The following GABRB2 variants were observed in gnomAD, a reference collection of about 807,000 sequenced individuals.
GABRB2 encodes the protein gamma-aminobutyric acid type A receptor subunit beta2.
A neutral mutation model predicts 54.7 loss-of-function variants in GABRB2; 16 were observed. The ratio of observed to expected loss-of-function variants is 0.29; its 90% CI spans 0.20 to 0.44. The LOEUF is 0.44. Among genes scored for constraint, GABRB2 ranks in the 20% least tolerant of loss-of-function variants. The pLI, the probability that GABRB2 is intolerant of heterozygous loss-of-function variation, is 1.00. For missense variants in GABRB2, 355 were observed against 644.0 expected (o/e 0.55, Z 4.86); for synonymous variants, 244 against 233.8 (o/e 1.04, Z -0.40).
At chr5:161,307,580 G>A (rs149169773) in intron 9 of GABRB2, among the ~76,000 whole-genome samples, 6 of 152,048 alleles carry the variant, frequency 3.9e-5, no homozygotes, top group Non-Finnish European at 7.4e-5. Context: ...TTGAGCCTTC[G>A]TTTCTTCATC....
At chr5:161,535,712 AC>A (rs1760612572) in intron 3 of GABRB2, among the ~76,000 whole-genome samples, 1 of 152,174 alleles carries the variant, frequency 6.6e-6, no homozygotes, top group African/African-American at 2.4e-5. Flanking sequence ...TTAACACAAT[AC>A]CTGCACAAGT....
intron 9 of GABRB2, among the ~76,000 whole-genome samples, chr5:161,304,344 A>G (rs1757620199): frequency 6.6e-6 from 1 of 152,242 alleles, no homozygotes; most frequent in South Asian, 2.1e-4. Flanking sequence ...AGAATTACCT[A>G]CTGCCTTTAA....
intron 3 of GABRB2, among the ~76,000 whole-genome samples, chr5:161,527,925 T>C (rs1298133370): frequency 6.6e-6 from 1 of 151,664 alleles, no homozygotes; most frequent in Non-Finnish European, 1.5e-5. Flanking sequence ...AATATACATG[T>C]TCTGGGGTCC....
rs1390688927 is a variant in GABRB2 at position 161,485,851 on chromosome 5, G to A, written c.238-26007C>T. 2.6e-5 allele frequency among the ~76,000 whole-genome samples: 4 copies of A among 151,908 alleles called. No individual in the cohort carries two copies. In the South Asian group the frequency reaches 6.2e-4, roughly 24 times the overall value. On this transcript the variant is annotated intron_variant, in intron 3 of 9. Transcript: ENST00000393959. ...TTCCTTTACACCCTGGAACTTTCCA[G>A]GGCAGAGTGATTTGTGGGGTGTTGC...
intron 5 of GABRB2, among the ~76,000 whole-genome samples, chr5:161,357,758 A>G (rs1033545598): frequency 3.9e-5 from 6 of 152,254 alleles, no homozygotes; most frequent in Middle Eastern, 3.4e-3. Flanking sequence ...TAGGATCTTC[A>G]AAATATTACA....
chr5:161,459,968 AG>A, intron 3 of GABRB2, 124 bp from the exon 4 acceptor site: 1 of 600,692 alleles, frequency 1.7e-6, no homozygotes, highest in Non-Finnish European at 2.8e-6. Flanking sequence ...TTTTTGAGAC[AG>A]GGTCTCACTC....
chr5:161,374,657 T>C (rs1755233199), intron 5 of GABRB2, among the ~76,000 whole-genome samples: 1 of 152,216 alleles, frequency 6.6e-6, no homozygotes, highest in Admixed American at 6.5e-5. Flanking sequence ...ACTCAATACC[T>C]AACTTCCTTC....
chr5:161,481,405 T>C (rs1758758379), intron 3 of GABRB2, among the ~76,000 whole-genome samples: 1 of 152,036 alleles, frequency 6.6e-6, no homozygotes, highest in South Asian at 2.1e-4. Context: ...TGAAAAGAAA[T>C]TGCCGTAGAC....
chr5:161,295,648 G>C (rs1011291723), intron 9 of GABRB2, among the ~76,000 whole-genome samples: 6 of 152,266 alleles, frequency 3.9e-5, no homozygotes, highest in African/African-American at 1.4e-4. Context: ...AAAAAAGAAT[G>C]TCATTAAGAT....
chr5:161,332,488 T>C (rs1261299768), intron 7 of GABRB2, among the ~76,000 whole-genome samples: 1 of 152,164 alleles, frequency 6.6e-6, no homozygotes, highest in East Asian at 1.9e-4. Context: ...GTTGAGTTGG[T>C]ATCTCTTGAC....
intron 4 of GABRB2, among the ~76,000 whole-genome samples, chr5:161,418,689 A>G (rs1756754711): frequency 6.6e-6 from 1 of 152,218 alleles, no homozygotes; most frequent in African/African-American, 2.4e-5. Flanking sequence ...AAAAGAAATA[A>G]TCAACAACAG....
rs561714040 is a variant in GABRB2 at position 161,475,835 on chromosome 5, A to G, written c.238-15991T>C. 2.0e-5 allele frequency among the ~76,000 whole-genome samples: 3 copies of G among 151,984 alleles called. No homozygotes were observed. In the South Asian group the frequency reaches 6.2e-4, roughly 31 times the overall value. ...TAAAGACCATATACAAAATGTCCAT[A>G]GCTAATATCATACTCCATAGTGGAA... On this transcript the variant is annotated intron_variant, in intron 3 of 9. Transcript: ENST00000393959.
At chr5:161,439,739 G>T (rs890004427) in intron 4 of GABRB2, among the ~76,000 whole-genome samples, 4 of 151,986 alleles carry the variant, frequency 2.6e-5, no homozygotes, top group African/African-American at 9.7e-5. Context: ...ATGTTAAGTT[G>T]TTATCAGGTT....
intron 3 of GABRB2, among the ~76,000 whole-genome samples, chr5:161,497,840 C>T (rs1217974011): frequency 1.3e-5 from 2 of 152,206 alleles, no homozygotes; most frequent in East Asian, 3.9e-4. Flanking sequence ...TGCCCTCAAA[C>T]CCAGCTGGAC....
intron 4 of GABRB2, among the ~76,000 whole-genome samples, chr5:161,423,429 T>C (rs1160413441): frequency 1.3e-5 from 2 of 152,196 alleles, no homozygotes; most frequent in East Asian, 1.9e-4. Flanking sequence ...TTCCAAATCA[T>C]GTGCTCACTT....
At chr5:161,344,763 T>G (rs1177425626) in intron 5 of GABRB2, among the ~76,000 whole-genome samples, 1 of 152,128 alleles carries the variant, frequency 6.6e-6, no homozygotes, top group Non-Finnish European at 1.5e-5. Context: ...ATTGCAGCAC[T>G]GTACCCAATA....
chr5:161,354,002 T>C (rs1258328077), intron 5 of GABRB2, among the ~76,000 whole-genome samples: 1 of 152,054 alleles, frequency 6.6e-6, no homozygotes, highest in Admixed American at 6.6e-5. Flanking sequence ...TACACACAAA[T>C]GGTTTCTACG....
intron 5 of GABRB2, among the ~76,000 whole-genome samples, chr5:161,366,830 G>A (rs955522402): frequency 2.0e-5 from 3 of 151,950 alleles, no homozygotes; most frequent in Admixed American, 6.6e-5. Context: ...CCCTGTAATC[G>A]CAGCTACTCA....
In GABRB2 at chr5:161,546,702, T is replaced by G. The variant is rs1440556092; in HGVS notation, c.-59A>C. The G allele has an allele frequency of 1.3e-6, 2 of 1,552,998 alleles. No individual in the cohort carries two copies. The highest frequency in any genetic ancestry group is 1.7e-6 in the Non-Finnish European group (2 of 1,147,754). On this transcript the variant is annotated 5_prime_UTR_variant, in exon 1 of 10. Coordinates refer to ENST00000393959, the MANE Select transcript of GABRB2 (RefSeq NM_001371727.1). ...TGAAGAGAGGAGATCCAACTTAGTC[T>G]GCCCAGTGCAGTAATTCTAATGTGA...
Sources: gnomAD v4.1 joint callset for allele counts (sites outside exome capture counted in the v4.1 genomes callset) on GRCh38, gnomAD v4.1.1 for gene constraint, MANE v1.5 for transcripts, NCBI Gene and HGNC (gene_info 2026-07-23, HGNC 2026-07-21) for gene names.